Variants in DCC observed in about 807,000 individuals in gnomAD.
DCC encodes the protein DCC netrin 1 receptor, also known as netrin receptor DCC.
A neutral mutation model predicts 172.5 loss-of-function variants in DCC; 58 were observed. The ratio of observed to expected loss-of-function variants is 0.34; its 90% CI spans 0.27 to 0.42. The LOEUF is 0.42. Ranked by LOEUF, DCC falls within the 10% of genes least tolerant of loss-of-function variation. DCC has a pLI of 1.00. For synonymous variants in DCC, 709 were observed against 644.5 expected, an observed-to-expected ratio of 1.10 and a Z score of -1.52; for missense variants, 1,740 against 1,791.0, an observed-to-expected ratio of 0.97 and a Z score of 0.51.
chr18:52,536,657 C>T (rs1004132), intron 1 of DCC, among the ~76,000 whole-genome samples: 19,197 of 152,048 alleles, frequency 0.13, 1,331 homozygotes, highest in South Asian at 0.2. Flanking sequence ...TAATCACATA[C>T]CTAAACCTTC....
At chr18:52,472,101 C>T (rs1988963432) in intron 1 of DCC, among the ~76,000 whole-genome samples, 1 of 152,152 alleles carries the variant, frequency 6.6e-6, no homozygotes, top group Admixed American at 6.5e-5. Flanking sequence ...AATTTCATGC[C>T]ATGCACCCTG....
intron 5 of DCC, among the ~76,000 whole-genome samples, chr18:53,038,550 C>G (rs948111704): frequency 6.6e-6 from 1 of 152,028 alleles, no homozygotes. Context: ...CTCCGCAGAA[C>G]TTTCTCTCTC....
At chr18:53,504,621 ATTAAGGCAAAT>A (rs1187768841) in intron 27 of DCC, among the ~76,000 whole-genome samples, 2 of 152,236 alleles carry the variant, frequency 1.3e-5, no homozygotes, top group African/African-American at 4.8e-5. Flanking sequence ...GTAAAATGTA[ATTAAGGCAAAT>A]TTAAGTATCA....
intron 2 of DCC, among the ~76,000 whole-genome samples, chr18:52,822,725 TATTAAGGTTGTGAA>T (rs1392290593): frequency 6.6e-6 from 1 of 152,176 alleles, no homozygotes; most frequent in Admixed American, 6.5e-5. Context: ...TGGTTTTTAG[TATTAAGGTTGTGAA>T]ATTAAGGTTG....
intron 19 of DCC, among the ~76,000 whole-genome samples, chr18:53,407,748 G>A (rs1331973439): frequency 6.6e-6 from 1 of 151,678 alleles, no homozygotes; most frequent in Non-Finnish European, 1.5e-5. Flanking sequence ...CAGTAGCAGG[G>A]TCTTCTTTTT....
intron 2 of DCC, among the ~76,000 whole-genome samples, chr18:52,859,390 A>G (rs975580224): frequency 6.6e-6 from 1 of 152,208 alleles, no homozygotes; most frequent in African/African-American, 2.4e-5. Flanking sequence ...ATGAACATAC[A>G]CATGCGGAGG....
At chr18:53,471,188 A>C (rs1341977808) in intron 25 of DCC, among the ~76,000 whole-genome samples, 1 of 152,154 alleles carries the variant, frequency 6.6e-6, no homozygotes, top group Admixed American at 6.6e-5. Context: ...GGTACATAGT[A>C]GGTATATATA....
At chr18:52,700,794 T>C (rs1029773817) in intron 1 of DCC, among the ~76,000 whole-genome samples, 2 of 152,218 alleles carry the variant, frequency 1.3e-5, no homozygotes, top group South Asian at 2.1e-4. Context: ...ATTTTCACAA[T>C]GAAAGCACTT....
intron 1 of DCC, among the ~76,000 whole-genome samples, chr18:52,591,119 A>G (rs1486020927): frequency 6.6e-6 from 1 of 152,190 alleles, no homozygotes; most frequent in Non-Finnish European, 1.5e-5. Flanking sequence ...GATGCATTAA[A>G]AAGCATTGAT....
intron 1 of DCC, among the ~76,000 whole-genome samples, chr18:52,534,516 C>T (rs1313853851): frequency 2.0e-5 from 3 of 152,034 alleles, no homozygotes; most frequent in Non-Finnish European, 2.9e-5. Flanking sequence ...AGTCATCTTA[C>T]ATATAAAGAA....
At chr18:52,754,513 A>G (rs1271668280) in intron 2 of DCC, among the ~76,000 whole-genome samples, 2 of 152,218 alleles carry the variant, frequency 1.3e-5, no homozygotes, top group East Asian at 3.9e-4. Flanking sequence ...TGAGGATACA[A>G]TGAGACGTCT....
intron 13 of DCC, among the ~76,000 whole-genome samples, chr18:53,309,432 G>T (rs1485515939): frequency 3.3e-5 from 5 of 152,102 alleles, no homozygotes; most frequent in Non-Finnish European, 7.4e-5. Flanking sequence ...TAACTGTAAA[G>T]ACCCTATTTC....
intron 1 of DCC, among the ~76,000 whole-genome samples, chr18:52,490,050 G>A (rs2030424289): frequency 6.6e-6 from 1 of 152,030 alleles, no homozygotes; most frequent in African/African-American, 2.4e-5. Flanking sequence ...ACGGTTTTTT[G>A]AAGTTCCCAG....
intron 2 of DCC, among the ~76,000 whole-genome samples, chr18:52,895,293 G>T (rs1188819725): frequency 1.3e-5 from 2 of 152,138 alleles, no homozygotes; most frequent in Non-Finnish European, 2.9e-5. Context: ...TAGCTTAATA[G>T]AAAGCCTCAG....
intron 27 of DCC, 36 bp downstream of exon 27, chr18:53,499,546 T>C (rs1281731033): frequency 4.6e-6 from 7 of 1,527,796 alleles, no homozygotes; most frequent in South Asian, 4.5e-5. Flanking sequence ...AAAATTCTTA[T>C]TATTATTGGT....
At chr18:53,308,463 ATATT>A (rs34446014) in intron 13 of DCC, among the ~76,000 whole-genome samples, 20,292 of 147,422 alleles carry the variant, frequency 0.14, 2,176 homozygotes, top group African/African-American at 0.29. Context: ...TAAGTTAAAA[ATATT>A]ACAATTTTTG....
chr18:53,035,522 T>G (rs901337569), intron 5 of DCC, among the ~76,000 whole-genome samples: 2 of 152,102 alleles, frequency 1.3e-5, no homozygotes, highest in Non-Finnish European at 2.9e-5. Flanking sequence ...TATAAAATTT[T>G]AATATAATTG....
chr18:52,389,126 T>C (rs946662241), intron 1 of DCC, among the ~76,000 whole-genome samples: 7 of 152,112 alleles, frequency 4.6e-5, no homozygotes, highest in African/African-American at 1.4e-4. Flanking sequence ...AGAGTCACTC[T>C]GTGCTTCCAT....
chr18:52,627,682 A>G (rs568639324), intron 1 of DCC, among the ~76,000 whole-genome samples: 1 of 152,354 alleles, frequency 6.6e-6, no homozygotes, highest in Non-Finnish European at 1.5e-5. Context: ...TTCTTGAAGG[A>G]CAGGGAGGTA....
Sources: allele counts gnomAD v4.1 joint callset (sites outside exome capture counted in the v4.1 genomes callset), GRCh38; gene constraint gnomAD v4.1.1; transcripts MANE v1.5; gene names NCBI Gene and HGNC (gene_info 2026-07-23, HGNC 2026-07-21).